Variants in ASNS observed in about 807,000 individuals in gnomAD.
ASNS encodes asparagine synthetase (glutamine-hydrolyzing).
ASNS carries 37 observed loss-of-function variants against 62.6 expected under a neutral mutation model. That is an observed-to-expected ratio of 0.59 (90% CI 0.45 to 0.78). ASNS has a LOEUF of 0.78. Ranked by LOEUF, ASNS falls within the 30% of genes least tolerant of loss-of-function variation. The pLI, the probability that ASNS is intolerant of heterozygous loss-of-function variation, is 0.00. For missense variants in ASNS, 520 were observed against 682.4 expected, an observed-to-expected ratio of 0.76 and a Z score of 2.65; for synonymous variants, 207 against 237.9, an observed-to-expected ratio of 0.87 and a Z score of 1.19.
chr7:97,868,390 T>C (rs957735243), intron 3 of ASNS, among the ~76,000 whole-genome samples: 11 of 152,234 alleles, frequency 7.2e-5, no homozygotes, highest in Admixed American at 2.0e-4. Flanking sequence ...GGTGGTATTA[T>C]GGACTCTTAG....
the ASNS span, among the ~76,000 whole-genome samples, chr7:97,882,898 T>A: frequency 2.0e-4 from 30 of 152,352 alleles, no homozygotes; most frequent in Middle Eastern, 0.01. Flanking sequence ...CCCAGCCACA[T>A]TTCTGCCAAA....
At chr7:97,876,152 C>T (rs370161251), upstream of ASNS, among the ~76,000 whole-genome samples, 10 of 152,216 alleles carry the variant, frequency 6.6e-5, no homozygotes, top group Admixed American at 1.3e-4. Context: ...CCGCCGCACC[C>T]GGCCTTGAGT....
intron 4 of ASNS, among the ~76,000 whole-genome samples, chr7:97,860,580 G>A (rs1791667030): frequency 1.3e-5 from 2 of 152,116 alleles, no homozygotes; most frequent in African/African-American, 4.8e-5. Flanking sequence ...TGTGACTAGT[G>A]TCCTAAGGAC....
chr7:97,860,715 G>A (rs1187851803), intron 4 of ASNS, among the ~76,000 whole-genome samples: 6 of 152,186 alleles, frequency 3.9e-5, no homozygotes, highest in Admixed American at 1.3e-4. Context: ...TGCTGCACAG[G>A]TAAGGGATAA....
Position 97,854,565 on chromosome 7 carries a change from C to T in ASNS, c.1238+15G>A, listed in dbSNP as rs778528442. The T allele has an allele frequency of 1.2e-5, 19 of 1,605,508 alleles. No homozygotes were observed. Among genetic ancestry groups the T allele is most frequent in the Non-Finnish European group, 1.6e-5 (19 of 1,177,952 alleles). ...TTTTTTGTTTTTGTTTTACAATAGC[C>T]TCTAAAAATATTACCCATGGGCAGC... On this transcript the variant is annotated intron_variant, in intron 10 of 12. Transcript: ENST00000394308.
the ASNS span, among the ~76,000 whole-genome samples, chr7:97,898,116 A>T: frequency 1.3e-5 from 2 of 151,534 alleles, no homozygotes; most frequent in Non-Finnish European, 2.9e-5. Flanking sequence ...TTCTTTTTGG[A>T]GAGAGTCTCA....
At chr7:97,907,338 A>T in the ASNS span, among the ~76,000 whole-genome samples, 1 of 152,232 alleles carries the variant, frequency 6.6e-6, no homozygotes, top group Admixed American at 6.5e-5. Context: ...TCCCCGACAA[A>T]TTATCAAAAG....
chr7:97,897,995 G>T, the ASNS span, among the ~76,000 whole-genome samples: 1 of 152,170 alleles, frequency 6.6e-6, no homozygotes, highest in African/African-American at 2.4e-5. Flanking sequence ...CACAATCATA[G>T]TTCACTGCAG....
At chr7:97,877,820 C>T in the ASNS span, among the ~76,000 whole-genome samples, 2 of 152,226 alleles carry the variant, frequency 1.3e-5, no homozygotes, top group Non-Finnish European at 2.9e-5. Context: ...AGCAAATGTG[C>T]TTAACAAAGC....
the ASNS span, among the ~76,000 whole-genome samples, chr7:97,894,468 A>T: frequency 9.3e-5 from 12 of 128,544 alleles, no homozygotes; most frequent in African/African-American, 3.2e-4. Context: ...ATAAACCACT[A>T]GTGAGGCTAA....
chr7:97,896,741 CATATATATATATATATATAT>C, the ASNS span, among the ~76,000 whole-genome samples: 2 of 19,768 alleles, frequency 1.0e-4, no homozygotes, highest in Non-Finnish European at 2.5e-4. Flanking sequence ...CACACACACA[CATATATATATATATATATAT>C]ATATATATAC....
At chr7:97,881,574 T>C in the ASNS span, among the ~76,000 whole-genome samples, 1 of 152,200 alleles carries the variant, frequency 6.6e-6, no homozygotes, top group Non-Finnish European at 1.5e-5. Context: ...ATTTGGTTGA[T>C]GAATGAACAA....
rs1791360707 is a variant in ASNS at position 97,854,862 on chromosome 7, C to T, written c.1138-182G>A. Reference sequence around the variant, plus strand: ...ACATGCCTTCCTTCCTACCAAACTGCTAATATTAGAATAAAATGAACACAA... The same window carrying T: ...ACATGCCTTCCTTCCTACCAAACTGTTAATATTAGAATAAAATGAACACAA... On this transcript the variant is annotated intron_variant, in intron 9 of 12. Coordinates refer to ENST00000394308, the MANE Select transcript of ASNS (RefSeq NM_001673.5). 8.7e-6 allele frequency: 9 copies of T among 1,028,980 alleles called. No individual in the cohort carries two copies. In the South Asian group the frequency reaches 1.5e-4, roughly 17 times the overall value. 63.7% of individuals were successfully genotyped at this position (1,028,980 alleles called of 1,614,324 possible).
At chr7:97,853,014 C>A in intron 12 of ASNS, 46 bp downstream of exon 12, 1 of 1,484,870 alleles carries the variant, frequency 6.7e-7, no homozygotes, top group South Asian at 1.4e-5. Context: ...GACAGCTCTG[C>A]ATCCAAACTG....
the ASNS span, among the ~76,000 whole-genome samples, chr7:97,916,615 A>G: frequency 2.6e-5 from 4 of 152,196 alleles, no homozygotes; most frequent in African/African-American, 7.2e-5. Flanking sequence ...GTGGAAATGC[A>G]GTGCTTTATT....
chr7:97,913,287 C>A, the ASNS span, among the ~76,000 whole-genome samples: 14 of 152,172 alleles, frequency 9.2e-5, no homozygotes, highest in African/African-American at 3.4e-4. Flanking sequence ...TCGGTCACCT[C>A]CTGTCTGGGA....
the ASNS span, among the ~76,000 whole-genome samples, chr7:97,894,203 TG>T: frequency 1.3e-5 from 2 of 151,874 alleles, no homozygotes; most frequent in African/African-American, 4.8e-5. Context: ...GCAAAACCTA[TG>T]GGATACAACA....
At chr7:97,859,176 G>C (rs1335704451) in intron 5 of ASNS, 37 bp downstream of exon 5, 4 of 1,559,902 alleles carry the variant, frequency 2.6e-6, no homozygotes, top group Non-Finnish European at 3.5e-6. Context: ...TTTTCCCTTG[G>C]AGAAGGATGG....
At chr7:97,880,471 A>G in the ASNS span, among the ~76,000 whole-genome samples, 328 of 152,276 alleles carry the variant, frequency 2.2e-3, 3 homozygotes, top group African/African-American at 7.4e-3. Flanking sequence ...TGGTCAGCAC[A>G]CAAAGGGGTC....
Sources: allele counts gnomAD v4.1 joint callset (sites outside exome capture counted in the v4.1 genomes callset), GRCh38; gene constraint gnomAD v4.1.1; transcripts MANE v1.5; gene names NCBI Gene and HGNC (gene_info 2026-07-23, HGNC 2026-07-21).